Variants in OTUD4 observed in about 807,000 individuals in gnomAD.
OTUD4 encodes OTU deubiquitinase 4.
In OTUD4, 24 loss-of-function variants were observed where a neutral mutation model predicts 130.4. The ratio of observed to expected loss-of-function variants is 0.18; its 90% CI spans 0.13 to 0.26. The LOEUF (loss-of-function observed/expected upper bound fraction) is 0.26. Ranked by LOEUF, OTUD4 falls within the 10% of genes least tolerant of loss-of-function variation. OTUD4 has a pLI of 1.00. For missense variants in OTUD4, 1,031 were observed against 1,329.4 expected, an observed-to-expected ratio of 0.78 and a Z score of 3.49; for synonymous variants, 420 against 472.5, an observed-to-expected ratio of 0.89 and a Z score of 1.44.
Position 145,146,333 on chromosome 4 carries a change from A to C in OTUD4, c.1356T>G (p.Ala452=). 6.3e-7 allele frequency: 1 copy of C among 1,598,128 alleles called. No individual in the cohort carries two copies. The highest frequency in any genetic ancestry group is 8.5e-7 in the Non-Finnish European group (1 of 1,174,518). ...LSPEERREKQ[A]IEESRLLYEI... ...CATAGAGTAAACGGGATTCTTCTAT[A>C]GCTTGCTTCTCTCTGCGCTCTTCTG... The change falls in exon 14 of 21, where the codon GCT becomes GCG. Residue 452 remains alanine, a synonymous_variant. Coordinates refer to ENST00000447906, the MANE Select transcript of OTUD4 (RefSeq NM_001366057.1).
chr4:145,155,664 G>C lies in OTUD4; in HGVS notation c.713C>G (p.Ser238Cys). The change falls in exon 9 of 21, where the codon TCT becomes TGT. Residue 238 changes from serine (S) to cysteine (C), a missense_variant. Around this residue, in one of 3 missense-constraint regions of OTUD4, gnomAD observed 900 missense variants for 1,095.9 expected, o/e 0.82. Coordinates refer to ENST00000447906, the MANE Select transcript of OTUD4 (RefSeq NM_001366057.1). ...CTTTCTAGACAAAGGCAGGCTAGTA[G>C]AGTTCCCATTGTTCTTCAGCTGCTA... is the stretch of plus-strand genomic sequence containing the variant. ...GNEQLKNNGN[S>C]TSLPLSRKVL... The C allele has an allele frequency of 6.2e-7, 1 of 1,608,288 alleles. No individual in the cohort carries two copies. The highest frequency in any genetic ancestry group is 8.5e-7 in the Non-Finnish European group (1 of 1,177,134).
intron 7 of OTUD4, among the ~76,000 whole-genome samples, chr4:145,157,567 C>G (rs994076200): frequency 6.6e-6 from 1 of 151,802 alleles, no homozygotes; most frequent in Non-Finnish European, 1.5e-5. Context: ...GCCTGTAATC[C>G]TAGCTACTCG....
At position 145,180,117 on chromosome 4, in the gene OTUD4, C is replaced by A. The variant is rs1417142255; in HGVS notation, c.-144G>T. 2.1e-6 allele frequency: 1 copy of A among 469,742 alleles called. No individual in the cohort carries two copies. Among genetic ancestry groups the A allele is most frequent in the Non-Finnish European group, 2.9e-6 (1 of 345,748 alleles). The allele number at this position is 469,742 out of a possible 1,614,324, so 29.1% of individuals were successfully genotyped here. A position where few individuals can be genotyped will look rare whatever the true frequency, so the allele number is the denominator to read the frequency against. Reference sequence around the variant, plus strand: ...CGAGCGGCGGCAGGCGGCGGCGGCCCGAGGCAGCGGTCCGCGCTCTCCGGG... The same window carrying A: ...CGAGCGGCGGCAGGCGGCGGCGGCCAGAGGCAGCGGTCCGCGCTCTCCGGG... On this transcript the variant is annotated 5_prime_UTR_variant, in exon 1 of 21. Coordinates refer to ENST00000447906, the MANE Select transcript of OTUD4 (RefSeq NM_001366057.1).
intron 3 of OTUD4, among the ~76,000 whole-genome samples, chr4:145,169,408 T>C (rs913434154): frequency 6.6e-6 from 1 of 152,240 alleles, no homozygotes; most frequent in Non-Finnish European, 1.5e-5. Flanking sequence ...ATGAAGCAAC[T>C]GAGTTTATCC....
At chr4:145,148,453 C>T (rs942775567) in intron 13 of OTUD4, among the ~76,000 whole-genome samples, 3 of 151,240 alleles carry the variant, frequency 2.0e-5, no homozygotes, top group Non-Finnish European at 2.9e-5. Flanking sequence ...GAGCCAAGAT[C>T]GCGCCACTGC....
At position 145,179,893 on chromosome 4, in the gene OTUD4, G is replaced by C; in HGVS notation, c.81C>G (p.Ala27=). The change falls in exon 1 of 21, where the codon GCC becomes GCG. Residue 27 remains alanine, a synonymous_variant. Coordinates refer to ENST00000447906, the MANE Select transcript of OTUD4 (RefSeq NM_001366057.1). The part of the protein sequence containing the change: ...GPREDATPMD[A]YLRKLGLYRK... Reference sequence around the variant, plus strand: ...GATACAAGCCCAGTTTCCGCAGATAGGCGTCCATGGGCGTCGCGTCCTCGC... The same window carrying C: ...GATACAAGCCCAGTTTCCGCAGATACGCGTCCATGGGCGTCGCGTCCTCGC... 1 of 1,528,838 alleles carries C rather than the reference G, an allele frequency of 6.5e-7. No individual in the cohort carries two copies. The highest frequency in any genetic ancestry group is 2.5e-5 in the East Asian group (1 of 40,260). 94.7% of individuals were successfully genotyped at this position (1,528,838 alleles called of 1,614,324 possible). A position where few individuals can be genotyped will look rare whatever the true frequency, so the allele number is the denominator to read the frequency against.
chr4:145,137,495 G>A lies in OTUD4; in HGVS notation c.3280C>T (p.Arg1094Ter), dbSNP rs780494086. 1.9e-6 allele frequency: 3 copies of A among 1,611,748 alleles called. No homozygotes were observed. Among genetic ancestry groups the A allele is most frequent in the Non-Finnish European group, 8.5e-7 (1 of 1,178,510 alleles). Residue 1094 changes from arginine to a stop codon, truncating the protein, a stop_gained, in exon 21 of 21, where the codon CGA (arginine) becomes TGA (stop). Transcript: ENST00000447906. LOFTEE classifies it high-confidence loss of function. The stretch of plus-strand genomic sequence containing the variant: ...CTCCTCCTATCTCCCCTAAATGGTC[G>A]CCCTCTGACATTTCGATGGTACTGA... The part of the protein sequence containing the change: ...GYQYHRNVRG[R>*]PFRGDRRRSG...
At chr4:145,145,828 G>A (rs1046952286) in intron 14 of OTUD4, among the ~76,000 whole-genome samples, 24 of 152,166 alleles carry the variant, frequency 1.6e-4, no homozygotes, top group African/African-American at 5.5e-4. Context: ...CCTGACACAT[G>A]GAGAAAGGAC....
intron 10 of OTUD4, among the ~76,000 whole-genome samples, chr4:145,153,153 C>G (rs7696226): frequency 0.095 from 14,448 of 152,238 alleles, 829 homozygotes; most frequent in South Asian, 0.18. Flanking sequence ...ATATCTCCTA[C>G]CTAAAAGAAA....
intron 5 of OTUD4, among the ~76,000 whole-genome samples, chr4:145,163,728 C>T (rs1222036632): frequency 8.0e-6 from 1 of 125,612 alleles, no homozygotes; most frequent in Non-Finnish European, 1.6e-5. Context: ...TTTTTTAAGA[C>T]GGAGGTTCAC....
chr4:145,165,656 T>C (rs1167810568), intron 3 of OTUD4, among the ~76,000 whole-genome samples: 2 of 152,036 alleles, frequency 1.3e-5, no homozygotes, highest in Non-Finnish European at 2.9e-5. Context: ...TTTGTATTTT[T>C]AGTAGAGACG....
intron 19 of OTUD4, 44 bp downstream of exon 19, chr4:145,141,335 T>A (rs758857131): frequency 6.6e-7 from 1 of 1,518,708 alleles, no homozygotes; most frequent in Non-Finnish European, 8.8e-7. Context: ...ACTAAGCTTA[T>A]TTGGACTTGA....
chr4:145,142,761 T>C (rs1750623843), intron 17 of OTUD4, among the ~76,000 whole-genome samples: 1 of 152,250 alleles, frequency 6.6e-6, no homozygotes, highest in Non-Finnish European at 1.5e-5. Context: ...AATTCATGAT[T>C]ATTTAGAAAA....
In OTUD4 at chr4:145,154,732, T is replaced by C. The variant is rs1319440246; in HGVS notation, c.873+679A>G. On this transcript the variant is annotated intron_variant, in intron 10 of 20. Transcript: ENST00000447906. ...ATGAGGGAGGCTGTCCTGTCCATTG[T>C]AGAATGTTTGGCCACAGCTTTGGCC... 2.6e-5 allele frequency among the ~76,000 whole-genome samples: 4 copies of C among 151,764 alleles called. No individual in the cohort carries two copies. In the East Asian group the frequency reaches 7.7e-4, roughly 29 times the overall value.
chr4:145,155,562 A>C lies in OTUD4; in HGVS notation c.808+7T>G, dbSNP rs752600442. ...AAATTTATGGAAAATGCAGATTTTT[A>C]ACTCACCTTGTTTAGACTTCAGCCA... On this transcript the variant is annotated splice_region_variant and intron_variant, in intron 9 of 20. Transcript: ENST00000447906. 4 of 1,603,786 alleles carry C rather than the reference A, an allele frequency of 2.5e-6. No homozygotes were observed. In the South Asian group the frequency reaches 3.4e-5, roughly 13 times the overall value.
At chr4:145,148,705 C>T (rs1401331336) in intron 13 of OTUD4, among the ~76,000 whole-genome samples, 2 of 152,236 alleles carry the variant, frequency 1.3e-5, no homozygotes, top group South Asian at 2.1e-4. Flanking sequence ...AAAGAGTACA[C>T]TTGTGTTCAA....
Position 145,144,429 on chromosome 4 carries a change from T to C in OTUD4, c.1428A>G (p.Ser476=), listed in dbSNP as rs372846382. The change falls in exon 15 of 21, where the codon TCA becomes TCG. Residue 476 remains serine (S), a synonymous_variant. Coordinates refer to ENST00000447906, the MANE Select transcript of OTUD4 (RefSeq NM_001366057.1). ...DEQAFPALSS[S]SVNQSASQSS... ...TCTGAGAAGCTGACTGATTGACTGA[T>C]GAGCTCTTTAAAATGAACAAAACCC... is the stretch of plus-strand genomic sequence containing the variant. 17 of 1,610,274 alleles carry C rather than the reference T, an allele frequency of 1.1e-5. No individual in the cohort carries two copies. The African/African-American group carries it at 2.1e-4, about 20-fold the overall frequency.
At chr4:145,144,030 G>C (rs767994272) in intron 15 of OTUD4, 29 bp from the exon 16 acceptor site, 1 of 1,555,548 alleles carries the variant, frequency 6.4e-7, no homozygotes, top group Non-Finnish European at 8.9e-7. Flanking sequence ...AAAAAAGACA[G>C]CATAAGCCAC....
rs189292893 is a variant in OTUD4, at chr4:145,152,794, G to A, written c.874-159C>T. Among the ~76,000 whole-genome samples, 574 of 150,914 alleles carry A rather than the reference G, an allele frequency of 3.8e-3. 2 individuals are homozygous for A. The highest frequency in any genetic ancestry group is 0.01 in the Middle Eastern group (3 of 286). ...TGCAGAGGCACAATCTTGGCTCACT[G>A]CAACCTCCACCTCCCTGGTTCAAGC... is the stretch of plus-strand genomic sequence containing the variant. On this transcript the variant is annotated intron_variant, in intron 10 of 20. Transcript: ENST00000447906.
Sources: allele counts gnomAD v4.1 joint callset (sites outside exome capture counted in the v4.1 genomes callset), GRCh38; gene constraint gnomAD v4.1.1; regional missense constraint gnomAD v4.1.1; transcripts MANE v1.5; gene names NCBI Gene and HGNC (gene_info 2026-07-23, HGNC 2026-07-21).